The following ERI1 variants were observed in gnomAD, a reference collection of about 807,000 sequenced individuals.
The protein encoded by ERI1 is 3'-5' exoribonuclease 1.
A neutral mutation model predicts 39.7 loss-of-function variants in ERI1; 39 were observed. The ratio of observed to expected loss-of-function variants is 0.98; its 90% CI spans 0.76 to 1.28. ERI1 has a LOEUF of 1.28. Among genes scored for constraint, ERI1 ranks in the 50% most tolerant of loss-of-function variants. ERI1 has a pLI of 0.00. For synonymous variants in ERI1, 204 were observed against 149.6 expected (o/e 1.36, Z -2.65); for missense variants, 581 against 416.9 (o/e 1.39, Z -3.43).
In ERI1 at chr8:9,031,033, A is replaced by C. The variant is rs1797551299; in HGVS notation, c.*999A>C. 6.6e-6 allele frequency: 1 copy of C among 152,178 alleles called. No individual in the cohort carries two copies. The highest frequency in any genetic ancestry group is 2.4e-5 in the African/African-American group (1 of 41,446). The allele number at this position is 152,178 out of a possible 1,614,324, so 9.4% of individuals were successfully genotyped here. A position where few individuals can be genotyped will look rare whatever the true frequency, so the allele number is the denominator to read the frequency against. On this transcript the variant is annotated 3_prime_UTR_variant, in exon 7 of 7. Coordinates refer to ENST00000250263, the MANE Select transcript of ERI1 (RefSeq NM_153332.4). ...TGAGTAATTCTTAACTAATTCTAAA[A>C]ACTAAAATGTGCATTTCGACTTGAT...
intron 3 of ERI1, among the ~76,000 whole-genome samples, chr8:9,067,749 G>A (rs1304648446): frequency 1.3e-5 from 2 of 152,002 alleles, no homozygotes; most frequent in African/African-American, 4.8e-5. Flanking sequence ...AAGAAGCTGG[G>A]TTCCACGGTA....
intron 1 of ERI1, chr8:9,004,033 G>C (rs1815678207): frequency 1.6e-6 from 2 of 1,267,494 alleles, no homozygotes; most frequent in Non-Finnish European, 1.0e-6. Flanking sequence ...TGCCTCCCTT[G>C]GTAATTGCAT....
chr8:9,096,786 G>A (rs1023866572), intron 3 of ERI1: 2 of 125,946 alleles, frequency 1.6e-5, no homozygotes, highest in African/African-American at 5.9e-5. Context: ...GCATGATCAT[G>A]GCTCACTGCA....
chr8:9,076,633 C>G (rs1799219879), intron 3 of ERI1, among the ~76,000 whole-genome samples: 1 of 152,186 alleles, frequency 6.6e-6, no homozygotes, highest in Non-Finnish European at 1.5e-5. Context: ...TTGGTAATAC[C>G]ATGTGCTTCT....
downstream of ERI1, among the ~76,000 whole-genome samples, chr8:9,034,714 G>A (rs1453368294): frequency 6.6e-6 from 1 of 151,982 alleles, no homozygotes; most frequent in East Asian, 1.9e-4. Flanking sequence ...AAGTGTTCAG[G>A]TGAAAGGAAG....
chr8:9,020,478 A>G lies in ERI1; in HGVS notation c.807+14A>G, dbSNP rs199971754. 29 of 1,455,512 alleles carry G rather than the reference A, an allele frequency of 2.0e-5. No individual in the cohort carries two copies. The East Asian group carries it at 6.1e-4, about 30-fold the overall frequency. The allele number at this position is 1,455,512 out of a possible 1,614,324, so 90.2% of individuals were successfully genotyped here. ...AATTTTTACAAGGTAAAATTTCTAT[A>G]TTTAATAATTACGTGGTTCTTAATG... On this transcript the variant is annotated intron_variant, in intron 6 of 6. Transcript: ENST00000250263.
intron 3 of ERI1, among the ~76,000 whole-genome samples, chr8:9,094,257 G>C (rs913366130): frequency 2.6e-5 from 4 of 152,176 alleles, no homozygotes; most frequent in Non-Finnish European, 5.9e-5. Context: ...AATCGTCGTG[G>C]ACTCTCAGGA....
chr8:9,036,254 A>G (rs571455714), downstream of ERI1, among the ~76,000 whole-genome samples: 13 of 152,350 alleles, frequency 8.5e-5, no homozygotes, highest in African/African-American at 3.1e-4. Context: ...ATCAAACAGC[A>G]TGATAAAGAG....
chr8:9,093,215 G>A (rs147813428), intron 3 of ERI1, among the ~76,000 whole-genome samples: 131 of 152,174 alleles, frequency 8.6e-4, no homozygotes, highest in Middle Eastern at 3.4e-3. Context: ...GTCTTGGGCC[G>A]CACGTAAAAT....
chr8:9,028,317 G>C (rs1195288328), intron 6 of ERI1, among the ~76,000 whole-genome samples: 1 of 152,106 alleles, frequency 6.6e-6, no homozygotes, highest in African/African-American at 2.4e-5. Context: ...GTATTTCCAG[G>C]AATTTGTCTC....
At chr8:9,096,470 A>G (rs1364559196) in intron 3 of ERI1, among the ~76,000 whole-genome samples, 1 of 152,084 alleles carries the variant, frequency 6.6e-6, no homozygotes, top group Non-Finnish European at 1.5e-5. Flanking sequence ...TTTCCCATGG[A>G]GGTAGTCACA....
chr8:9,069,738 TTAAA>T (rs1472917304), intron 3 of ERI1, among the ~76,000 whole-genome samples: 6 of 151,958 alleles, frequency 3.9e-5, no homozygotes, highest in Non-Finnish European at 8.8e-5. Flanking sequence ...GTTGAAATTA[TTAAA>T]TAAATAGGTA....
Position 9,020,449 on chromosome 8 carries a change from T to C in ERI1, c.792T>C (p.Tyr264=), listed in dbSNP as rs1817761718. 1.9e-6 allele frequency: 3 copies of C among 1,595,604 alleles called. No individual in the cohort carries two copies. The highest frequency in any genetic ancestry group is 8.5e-7 in the Non-Finnish European group (1 of 1,171,566). ...AKKWINIRKS[Y]GNFYKVPRSQ... ...AGTGGATCAATATTCGGAAGTCATA[T>C]GGAAATTTTTACAAGGTAAAATTTC... The change falls in exon 6 of 7, where the codon TAT becomes TAC. Residue 264 remains tyrosine, a synonymous_variant. Coordinates refer to ENST00000250263, the MANE Select transcript of ERI1 (RefSeq NM_153332.4).
Position 9,004,485 on chromosome 8 carries a change from CTTTTTTTTTTTTT to C in ERI1, c.108+1328_108+1340del, listed in dbSNP as rs71201904. On this transcript the variant is annotated intron_variant, in intron 1 of 6. Transcript: ENST00000250263. ...CTGTTGCATGCTCTTTATAGTGATA[CTTTTTTTTTTTTT>C]TTTTTTTTTTTTTACAAAAAGCCGG... is the stretch of plus-strand genomic sequence containing the variant. 1.1e-4 allele frequency among the ~76,000 whole-genome samples: 9 copies of C among 78,304 alleles called. No homozygotes were observed. The South Asian group carries it at 2.3e-3, about 20-fold the overall frequency. 51.4% of individuals were successfully genotyped at this position (78,304 alleles called of 152,430 possible).
At chr8:9,021,788 T>C (rs2117257260) in intron 6 of ERI1, among the ~76,000 whole-genome samples, 1 of 147,598 alleles carries the variant, frequency 6.8e-6, no homozygotes, top group East Asian at 1.9e-4. Flanking sequence ...TTTTTTTTTT[T>C]TCAATATTAT....
chr8:9,037,445 A>C (rs1797888184), downstream of ERI1, among the ~76,000 whole-genome samples: 1 of 149,454 alleles, frequency 6.7e-6, no homozygotes, highest in South Asian at 2.1e-4. Flanking sequence ...CTTTTGTTAC[A>C]TTCATTGGGC....
intron 3 of ERI1, among the ~76,000 whole-genome samples, chr8:9,090,307 C>A (rs978802174): frequency 6.6e-6 from 1 of 152,130 alleles, no homozygotes; most frequent in Non-Finnish European, 1.5e-5. Flanking sequence ...TGGGAGGACA[C>A]CTTGGTGCCA....
rs1585265910 is a variant in ERI1 at position 9,055,222 on chromosome 8, A to G, written n.299+34758A>G. ...ATAGGTTAGTGTTTGCGTTATTTGAATGCAATTTAAACAGTTGGCCACATT... is the reference window on the plus strand; with the variant it reads ...ATAGGTTAGTGTTTGCGTTATTTGAGTGCAATTTAAACAGTTGGCCACATT... On this transcript the variant is annotated intron_variant and non_coding_transcript_variant, in intron 3 of 3. Coordinates refer to the ERI1 transcript ENST00000518663. Among the ~76,000 whole-genome samples, 5 of 152,356 alleles carry G rather than the reference A, an allele frequency of 3.3e-5. 1 individual carries two copies. Among genetic ancestry groups the G allele is most frequent in the African/African-American group, 1.2e-4 (5 of 41,588 alleles).
chr8:9,047,808 G>A (rs1040794190), intron 3 of ERI1, among the ~76,000 whole-genome samples: 33 of 152,140 alleles, frequency 2.2e-4, no homozygotes, highest in Admixed American at 5.9e-4. Context: ...CTATCATTTT[G>A]TTTGAAGAAG....
Sources: allele counts gnomAD v4.1 joint callset (sites outside exome capture counted in the v4.1 genomes callset), GRCh38; gene constraint gnomAD v4.1.1; transcripts MANE v1.5; gene names NCBI Gene and HGNC (gene_info 2026-07-23, HGNC 2026-07-21).